NOB1: variants seen among roughly 807,000 people sequenced by gnomAD.
The protein encoded by NOB1 is RNA-binding protein NOB1.
NOB1 carries 44 observed loss-of-function variants against 44.8 expected under a neutral mutation model. The ratio of observed to expected loss-of-function variants is 0.98; its 90% CI spans 0.77 to 1.26. NOB1 has a LOEUF of 1.26. Ranked by LOEUF, NOB1 falls within the 50% of genes most tolerant of loss-of-function variation. The pLI, the probability that NOB1 is intolerant of heterozygous loss-of-function variation, is 0.00. For missense variants in NOB1, 560 were observed against 544.8 expected (o/e 1.03, Z -0.28); for synonymous variants, 238 against 218.7 (o/e 1.09, Z -0.78).
chr16:69,747,402 A>C (rs1010204485), intron 7 of NOB1, among the ~76,000 whole-genome samples: 1 of 152,094 alleles, frequency 6.6e-6, no homozygotes, highest in African/African-American at 2.4e-5. Context: ...CAAAGAAGTG[A>C]ATCAGCTTTT....
chr16:69,748,070 C>T (rs1325366346), intron 7 of NOB1, among the ~76,000 whole-genome samples, 162 bp downstream of exon 7: 1 of 152,084 alleles, frequency 6.6e-6, no homozygotes, highest in East Asian at 1.9e-4. Flanking sequence ...GAGGTTGAGG[C>T]AGGAGAATTG....
At position 69,754,866 on chromosome 16, in the gene NOB1, C is replaced by A; in HGVS notation, c.45G>T (p.Leu15=). ...CCCGTACCTGCAGAGCCGCATGCCG[C>A]AGGAAAGCCCCAGCATCCGCCACAA... ...EHVVADAGAF[L]RHAALQDIGK... is the part of the protein sequence containing the mutation. Residue 15 remains leucine (L), a synonymous_variant, in exon 1 of 9, where the codon CTG becomes CTT. Coordinates refer to ENST00000268802, the MANE Select transcript of NOB1 (RefSeq NM_014062.3). 1 of 1,597,522 alleles carries A rather than the reference C, an allele frequency of 6.3e-7. No homozygotes were observed. Among genetic ancestry groups the A allele is most frequent in the Non-Finnish European group, 8.5e-7 (1 of 1,172,934 alleles).
intron 3 of NOB1, 85 bp downstream of exon 3, chr16:69,752,156 G>T (rs2038487980): frequency 7.8e-7 from 1 of 1,276,924 alleles, no homozygotes; most frequent in Non-Finnish European, 1.1e-6. Context: ...GGGAACCCTG[G>T]GTCCATTACA....
At chr16:69,754,497 C>T in intron 2 of NOB1, 97 bp downstream of exon 2, 1 of 1,503,060 alleles carries the variant, frequency 6.7e-7, no homozygotes, top group South Asian at 1.2e-5. Flanking sequence ...AAATCTACTG[C>T]TCTGATAAGG....
chr16:69,754,352 T>A (rs2038506693), intron 2 of NOB1, among the ~76,000 whole-genome samples: 1 of 152,234 alleles, frequency 6.6e-6, no homozygotes, highest in Non-Finnish European at 1.5e-5. Flanking sequence ...ATACAATTAT[T>A]ATTCCCATTT....
intron 2 of NOB1, 68 bp downstream of exon 2, chr16:69,754,526 C>A (rs1597619168): frequency 6.3e-7 from 1 of 1,589,386 alleles, no homozygotes; most frequent in East Asian, 2.2e-5. Flanking sequence ...CCCCAACTCG[C>A]ACCCAACTGG....
intron 7 of NOB1, 139 bp from the exon 8 acceptor site, chr16:69,745,156 G>T: frequency 2.4e-6 from 2 of 836,876 alleles, no homozygotes; most frequent in South Asian, 1.8e-5. Context: ...AAAGACGGAG[G>T]CCACTGAAGC....
At chr16:69,754,793 TC>T in intron 1 of NOB1, 54 bp downstream of exon 1, 5 of 1,611,122 alleles carry the variant, frequency 3.1e-6, no homozygotes, top group Non-Finnish European at 4.2e-6. Context: ...CTCCACGCAC[TC>T]CGGGAGGGGC....
chr16:69,751,441 G>C (rs1164303240), intron 3 of NOB1, among the ~76,000 whole-genome samples: 1 of 152,014 alleles, frequency 6.6e-6, no homozygotes, highest in Non-Finnish European at 1.5e-5. Context: ...TGAGGTGGGA[G>C]GATCACTTGA....
At chr16:69,753,075 A>T (rs954368681) in intron 2 of NOB1, among the ~76,000 whole-genome samples, 1 of 152,118 alleles carries the variant, frequency 6.6e-6, no homozygotes, top group Admixed American at 6.6e-5. Flanking sequence ...TACAAAAGTT[A>T]GCCAGGTGTG....
chr16:69,744,211 C>T (rs571254783), intron 8 of NOB1, among the ~76,000 whole-genome samples: 2 of 152,232 alleles, frequency 1.3e-5, no homozygotes, highest in Non-Finnish European at 2.9e-5. Flanking sequence ...GTCCCAGCTA[C>T]TTGGGAGGCT....
At chr16:69,749,141 A>C in intron 5 of NOB1, 23 bp from the exon 6 acceptor site, 2 of 1,614,148 alleles carry the variant, frequency 1.2e-6, no homozygotes, top group Non-Finnish European at 1.7e-6. Context: ...CAGACCTTTC[A>C]AACTCCCAAC....
chr16:69,753,829 CAG>C (rs1427602625), intron 2 of NOB1, among the ~76,000 whole-genome samples: 2 of 152,076 alleles, frequency 1.3e-5, no homozygotes, highest in African/African-American at 2.4e-5. Flanking sequence ...TTTTTTGAGA[CAG>C]AGTCTCGCTC....
intron 4 of NOB1, 73 bp downstream of exon 4, chr16:69,749,486 G>T: frequency 6.5e-7 from 1 of 1,543,930 alleles, no homozygotes. Context: ...AGTTCACTGT[G>T]AAGAGATGAC....
intron 7 of NOB1, among the ~76,000 whole-genome samples, chr16:69,746,043 C>T (rs903557729): frequency 3.3e-5 from 5 of 152,188 alleles, no homozygotes; most frequent in Admixed American, 2.0e-4. Context: ...AGCAAAGGGA[C>T]GTAAAGCTTC....
At chr16:69,748,182 AG>A (rs987840842) in intron 7 of NOB1, 49 bp downstream of exon 7, 2 of 1,386,838 alleles carry the variant, frequency 1.4e-6, no homozygotes, top group African/African-American at 2.9e-5. Context: ...AAAAAGAAAC[AG>A]GAAGAGTGTT....
intron 8 of NOB1, 21 bp from the exon 9 acceptor site, chr16:69,742,622 G>A: frequency 2.5e-6 from 4 of 1,611,468 alleles, no homozygotes; most frequent in Non-Finnish European, 3.4e-6. Flanking sequence ...GACAAGGAAG[G>A]GCCATTAGAA....
intron 7 of NOB1, among the ~76,000 whole-genome samples, chr16:69,747,145 C>T (rs926315338): frequency 5.6e-5 from 8 of 141,710 alleles, no homozygotes; most frequent in Non-Finnish European, 1.1e-4. Context: ...CGCTTGAACC[C>T]GGGAGGCGAA....
chr16:69,742,388 C>T lies in NOB1; in HGVS notation c.1183G>A (p.Gly395Arg), dbSNP rs1274010799. The T allele has an allele frequency of 3.1e-6, 5 of 1,614,276 alleles. No homozygotes were observed. Among genetic ancestry groups the T allele is most frequent in the Admixed American group, 3.3e-5 (2 of 60,030 alleles). Residue 395 changes from glycine (G) to arginine (R), a missense_variant, in exon 9 of 9, where the codon GGG becomes AGG. Coordinates refer to ENST00000268802, the MANE Select transcript of NOB1 (RefSeq NM_014062.3). ...LQVRDSTLGA[G>R]RRRLNPNASR... The stretch of plus-strand genomic sequence containing the variant: ...GCGTTGGGATTTAAGCGTCTCCGCC[C>T]AGCTCCCAAGGTGCTGTCCCGGACC...
Sources: allele counts gnomAD v4.1 joint callset (sites outside exome capture counted in the v4.1 genomes callset), GRCh38; gene constraint gnomAD v4.1.1; transcripts MANE v1.5; gene names NCBI Gene and HGNC (gene_info 2026-07-23, HGNC 2026-07-21).